Variants in CHIC2 observed in about 807,000 individuals in gnomAD.
CHIC2 encodes cysteine rich hydrophobic domain 2.
CHIC2 carries 14 observed loss-of-function variants against 25.9 expected under a neutral mutation model. The observed-to-expected ratio is 0.54, with a 90% confidence interval of 0.36 to 0.85. CHIC2 has a LOEUF of 0.85. Among genes scored for constraint, CHIC2 ranks in the 40% least tolerant of loss-of-function variants. The probability of loss-of-function intolerance (pLI) is 0.01; values close to 1 mark genes in which losing one functional copy is unlikely to be tolerated. For synonymous variants in CHIC2, 70 were observed against 72.0 expected (o/e 0.97, Z 0.14); for missense variants, 146 against 202.0 (o/e 0.72, Z 1.68).
At chr4:54,047,833 TA>T (rs1255083333) in intron 3 of CHIC2, among the ~76,000 whole-genome samples, 4 of 152,106 alleles carry the variant, frequency 2.6e-5, no homozygotes, top group South Asian at 4.1e-4. Flanking sequence ...TCTATTTTTT[TA>T]AATACATTTT....
At chr4:54,088,983 C>A in the CHIC2 span, among the ~76,000 whole-genome samples, 1 of 152,160 alleles carries the variant, frequency 6.6e-6, no homozygotes, top group East Asian at 1.9e-4. Flanking sequence ...AATGCAGGAA[C>A]CTGGAACTCC....
upstream of CHIC2, among the ~76,000 whole-genome samples, chr4:54,069,426 C>T (rs762562797): frequency 2.6e-5 from 4 of 152,224 alleles, no homozygotes; most frequent in Admixed American, 6.5e-5. Flanking sequence ...TCTGTCCCCG[C>T]GGAGTCGGGG....
the CHIC2 span, among the ~76,000 whole-genome samples, chr4:54,082,805 A>C: frequency 1.3e-5 from 2 of 152,190 alleles, no homozygotes; most frequent in South Asian, 4.1e-4. Context: ...AGACTGTAGA[A>C]GAGACTCAGC....
chr4:54,044,225 A>G (rs1031414936), intron 3 of CHIC2, among the ~76,000 whole-genome samples: 17 of 152,206 alleles, frequency 1.1e-4, no homozygotes, highest in Non-Finnish European at 1.9e-4. Flanking sequence ...CCCCACTGTC[A>G]ACATTAGACA....
chr4:54,042,235 C>T (rs2110079236), intron 3 of CHIC2, among the ~76,000 whole-genome samples: 1 of 152,130 alleles, frequency 6.6e-6, no homozygotes, highest in African/African-American at 2.4e-5. Context: ...TTAAATGCAT[C>T]AAATAAATAT....
chr4:54,043,420 CA>C (rs902677237), intron 3 of CHIC2, among the ~76,000 whole-genome samples: 780 of 55,892 alleles, frequency 0.014, 2 homozygotes, highest in African/African-American at 0.037. Flanking sequence ...GACTCCATTT[CA>C]AAAAAAAAAA....
At chr4:54,025,584 C>T (rs1038206190) in intron 3 of CHIC2, among the ~76,000 whole-genome samples, 7 of 152,050 alleles carry the variant, frequency 4.6e-5, no homozygotes, top group African/African-American at 1.7e-4. Context: ...AAAGGCCGGG[C>T]GCAATAGCTC....
At chr4:54,016,833 C>A in intron 3 of CHIC2, among the ~76,000 whole-genome samples, 1 of 149,408 alleles carries the variant, frequency 6.7e-6, no homozygotes. Flanking sequence ...TAGATTCTAG[C>A]AGTCATTTAA....
intron 1 of CHIC2, among the ~76,000 whole-genome samples, chr4:54,051,649 C>T (rs1228856676): frequency 6.6e-6 from 1 of 152,064 alleles, no homozygotes; most frequent in Non-Finnish European, 1.5e-5. Context: ...TTTTTACCAT[C>T]TCTCAATGGA....
At chr4:54,088,339 T>C in the CHIC2 span, among the ~76,000 whole-genome samples, 41 of 152,318 alleles carry the variant, frequency 2.7e-4, no homozygotes, top group East Asian at 2.3e-3. Flanking sequence ...TGTTGTAACG[T>C]GATAGAGGCA....
intron 1 of CHIC2, among the ~76,000 whole-genome samples, chr4:54,052,571 C>T (rs1057212127): frequency 6.6e-6 from 1 of 152,188 alleles, no homozygotes; most frequent in Non-Finnish European, 1.5e-5. Flanking sequence ...GAGTAGGAAG[C>T]TGAACCCCCT....
chr4:54,058,551 C>CACACATAT (rs879650933), intron 1 of CHIC2, among the ~76,000 whole-genome samples: 3 of 114,820 alleles, frequency 2.6e-5, no homozygotes, highest in Admixed American at 1.7e-4. Flanking sequence ...TACACACATA[C>CACACATAT]ACACACATAC....
At chr4:54,083,825 G>C in the CHIC2 span, among the ~76,000 whole-genome samples, 2 of 152,038 alleles carry the variant, frequency 1.3e-5, no homozygotes, top group Admixed American at 6.6e-5. Context: ...ATCCTTCAAA[G>C]ACCATTCATC....
chr4:54,028,603 A>G (rs565596983), intron 3 of CHIC2, among the ~76,000 whole-genome samples: 1 of 152,342 alleles, frequency 6.6e-6, no homozygotes, highest in East Asian at 1.9e-4. Flanking sequence ...TGTTATGAAG[A>G]TTAAATTAAA....
intron 3 of CHIC2, among the ~76,000 whole-genome samples, chr4:54,034,415 A>G (rs1387144894): frequency 6.6e-6 from 1 of 151,964 alleles, no homozygotes; most frequent in Non-Finnish European, 1.5e-5. Flanking sequence ...AAAAAAAAAA[A>G]AGTATTTCCT....
At chr4:54,056,234 T>C (rs1325753657) in intron 1 of CHIC2, among the ~76,000 whole-genome samples, 1 of 152,164 alleles carries the variant, frequency 6.6e-6, no homozygotes, top group Non-Finnish European at 1.5e-5. Flanking sequence ...ATGCACAGTA[T>C]AACTAACTTC....
At chr4:54,050,895 C>A (rs905861138) in intron 1 of CHIC2, among the ~76,000 whole-genome samples, 1 of 152,048 alleles carries the variant, frequency 6.6e-6, no homozygotes, top group African/African-American at 2.4e-5. Flanking sequence ...TTCACTTTAA[C>A]CAAAAACCCT....
intron 3 of CHIC2, among the ~76,000 whole-genome samples, chr4:54,015,310 C>A (rs955490814): frequency 6.6e-6 from 1 of 152,010 alleles, no homozygotes; most frequent in African/African-American, 2.4e-5. Context: ...TAATTTATTA[C>A]ATTACTTTTT....
At chr4:54,052,260 T>C (rs1272463071) in intron 1 of CHIC2, among the ~76,000 whole-genome samples, 1 of 152,180 alleles carries the variant, frequency 6.6e-6, no homozygotes, top group African/African-American at 2.4e-5. Flanking sequence ...ATATCACCTC[T>C]AATGATTTAT....
Sources: allele counts gnomAD v4.1 joint callset (sites outside exome capture counted in the v4.1 genomes callset), GRCh38; gene constraint gnomAD v4.1.1; transcripts MANE v1.5; gene names NCBI Gene and HGNC (gene_info 2026-07-23, HGNC 2026-07-21).